Variants in KPNA5 observed in about 807,000 individuals in gnomAD.
KPNA5 encodes importin subunit alpha-6.
In KPNA5, 46 loss-of-function variants were observed where a neutral mutation model predicts 71.3. That is an observed-to-expected ratio of 0.65 (90% CI 0.51 to 0.83). The LOEUF is 0.83. Ranked by LOEUF, KPNA5 falls within the 40% of genes least tolerant of loss-of-function variation. The probability of loss-of-function intolerance (pLI) is 0.00; values close to 1 mark genes in which losing one functional copy is unlikely to be tolerated. For synonymous variants in KPNA5, 207 were observed against 201.4 expected (o/e 1.03, Z -0.24); for missense variants, 547 against 628.3 (o/e 0.87, Z 1.38).
intron 1 of KPNA5, among the ~76,000 whole-genome samples, chr6:116,687,607 C>A (rs536064056): frequency 1.3e-5 from 2 of 152,146 alleles, no homozygotes; most frequent in African/African-American, 4.8e-5. Flanking sequence ...TATGTAAACA[C>A]AACAACCACT....
At position 116,734,917 on chromosome 6, in the gene KPNA5, A is replaced by T. The variant is rs1261971566; in HGVS notation, c.*2594A>T. 1 of 151,736 alleles carries T rather than the reference A, an allele frequency of 6.6e-6. No individual in the cohort carries two copies. The highest frequency in any genetic ancestry group is 2.4e-5 in the African/African-American group (1 of 41,412). The allele number at this position is 151,736 out of a possible 1,614,324, so 9.4% of individuals were successfully genotyped here. A position where few individuals can be genotyped will look rare whatever the true frequency, so the allele number is the denominator to read the frequency against. On this transcript the variant is annotated 3_prime_UTR_variant, in exon 14 of 14. Transcript: ENST00000368564. Reference sequence around the variant, plus strand: ...AGGAATGCATGTAGCATTAATGCAAATATCAAGAAAATACTTGAAAGAGTC... The same window carrying T: ...AGGAATGCATGTAGCATTAATGCAATTATCAAGAAAATACTTGAAAGAGTC...
At chr6:116,724,847 T>C (rs989807247) in intron 10 of KPNA5, among the ~76,000 whole-genome samples, 1 of 152,122 alleles carries the variant, frequency 6.6e-6, no homozygotes, top group Non-Finnish European at 1.5e-5. Flanking sequence ...ATTCCTGAGC[T>C]CAAGTGATCC....
Position 116,726,587 on chromosome 6 carries a change from T to TA in KPNA5, c.1220dup (p.Asn407LysfsTer21). The TA allele has an allele frequency of 6.2e-7, 1 of 1,612,126 alleles. No individual in the cohort carries two copies. On this transcript the variant is annotated frameshift_variant, in exon 12 of 14. Transcript: ENST00000368564. LOFTEE classifies it high-confidence loss of function. Reference sequence around the variant, plus strand: ...GAAAAGAAGCAGCTTGGGCTATAACTAATGCAACATCAGGAGGTACTCCAG... The same window carrying TA: ...GAAAAGAAGCAGCTTGGGCTATAACTAAATGCAACATCAGGAGGTACTCCAG...
At chr6:116,726,266 A>G (rs921956149) in intron 11 of KPNA5, among the ~76,000 whole-genome samples, 2 of 152,066 alleles carry the variant, frequency 1.3e-5, no homozygotes, top group African/African-American at 2.4e-5. Context: ...GTGCTTTATC[A>G]TCTCTAAAAT....
rs1355448819 is a variant in KPNA5, at chr6:116,741,000, A to G, written c.*8677A>G. ...CCTGAAACTTAAAGTATAATAAAAA[A>G]AAAAGAAATGTACTTTTAAATTTCA... On this transcript the variant is annotated 3_prime_UTR_variant, in exon 14 of 14. Transcript: ENST00000368564. 1 of 151,642 alleles carries G rather than the reference A, an allele frequency of 6.6e-6. No individual in the cohort carries two copies. The highest frequency in any genetic ancestry group is 1.5e-5 in the Non-Finnish European group (1 of 67,974). 9.4% of individuals were successfully genotyped at this position (151,642 alleles called of 1,614,324 possible).
At position 116,702,157 on chromosome 6, in the gene KPNA5, C is replaced by G; in HGVS notation, c.567+7C>G. 1 of 1,611,374 alleles carries G rather than the reference C, an allele frequency of 6.2e-7. No individual in the cohort carries two copies. Among genetic ancestry groups the G allele is most frequent in the Non-Finnish European group, 8.5e-7 (1 of 1,179,282 alleles). ...TGAAGATGTTCAGGAACAGGTACGTCTCTAATTTGTATTGTTGTATGTACT... is the reference window on the plus strand; with the variant it reads ...TGAAGATGTTCAGGAACAGGTACGTGTCTAATTTGTATTGTTGTATGTACT... On this transcript the variant is annotated splice_region_variant and intron_variant, in intron 6 of 13. Transcript: ENST00000368564.
At chr6:116,719,463 A>G (rs528216454) in intron 8 of KPNA5, among the ~76,000 whole-genome samples, 34 of 152,342 alleles carry the variant, frequency 2.2e-4, no homozygotes, top group African/African-American at 8.2e-4. Context: ...TTGTGAGACC[A>G]TTCAGTTTTT....
At chr6:116,698,935 C>A (rs185557913) in intron 5 of KPNA5, 137 bp downstream of exon 5, 2 of 468,392 alleles carry the variant, frequency 4.3e-6, no homozygotes, top group East Asian at 7.4e-5. Context: ...GTAGTGCTGC[C>A]TATCTTGTCT....
In KPNA5 at chr6:116,706,334, C is replaced by T. The variant is rs939300552; in HGVS notation, c.656+1174C>T. Among the ~76,000 whole-genome samples, 2 of 152,204 alleles carry T rather than the reference C, an allele frequency of 1.3e-5. 1 individual carries two copies. The highest frequency in any genetic ancestry group is 4.2e-4 in the South Asian group (2 of 4,818). ...AGGAGTCTTTTAACCATGGCTGAAA[C>T]CAAACTAAAAAATAAAACAAAGGAA... is the stretch of plus-strand genomic sequence containing the variant. On this transcript the variant is annotated intron_variant, in intron 7 of 13. Transcript: ENST00000368564.
chr6:116,695,533 C>T (rs117592868), intron 4 of KPNA5, among the ~76,000 whole-genome samples: 3,222 of 152,152 alleles, frequency 0.021, 58 homozygotes, highest in Non-Finnish European at 0.032. Flanking sequence ...CCTTATTGTC[C>T]TAAGGGAGAC....
chr6:116,683,478 C>CT (rs1777439410), intron 1 of KPNA5, among the ~76,000 whole-genome samples: 1 of 152,124 alleles, frequency 6.6e-6, no homozygotes, highest in South Asian at 2.1e-4. Flanking sequence ...ACTCTGATCT[C>CT]TAATTTTTTC....
intron 8 of KPNA5, among the ~76,000 whole-genome samples, chr6:116,717,836 A>C (rs66946377): frequency 0.18 from 27,765 of 151,858 alleles, 2,711 homozygotes; most frequent in East Asian, 0.3. Flanking sequence ...TGTGTTTAGG[A>C]AGTTGTATAC....
chr6:116,729,165 G>A (rs1779389108), intron 12 of KPNA5, among the ~76,000 whole-genome samples: 1 of 116,290 alleles, frequency 8.6e-6, no homozygotes, highest in African/African-American at 5.0e-5. Context: ...CTCCGTGTGT[G>A]TGTGTGTGTG....
At chr6:116,698,918 G>A in intron 5 of KPNA5, 120 bp downstream of exon 5, 2 of 513,410 alleles carry the variant, frequency 3.9e-6, no homozygotes, top group East Asian at 7.2e-5. Flanking sequence ...GGTAATTAAA[G>A]GAAAAGGTAG....
chr6:116,721,274 C>T (rs184397983), intron 8 of KPNA5, among the ~76,000 whole-genome samples: 12 of 152,226 alleles, frequency 7.9e-5, no homozygotes, highest in Admixed American at 7.2e-4. Context: ...AGAAAAATGT[C>T]ATCACTTTTT....
intron 7 of KPNA5, among the ~76,000 whole-genome samples, chr6:116,707,499 C>T (rs996183398): frequency 2.0e-5 from 3 of 152,152 alleles, no homozygotes; most frequent in Non-Finnish European, 4.4e-5. Context: ...GCTTGCTTCA[C>T]GTTTTTGTAA....
chr6:116,695,716 A>G (rs1328397679), intron 4 of KPNA5, among the ~76,000 whole-genome samples: 2 of 152,200 alleles, frequency 1.3e-5, no homozygotes, highest in East Asian at 1.9e-4. Flanking sequence ...GCAATCAAGA[A>G]TGGCTTCTTT....
In KPNA5 at chr6:116,736,663, A is replaced by T. The variant is rs1009456999; in HGVS notation, c.*4340A>T. 6.6e-5 allele frequency: 10 copies of T among 152,154 alleles called. No individual in the cohort carries two copies. Among genetic ancestry groups the T allele is most frequent in the Admixed American group, 2.0e-4 (3 of 15,224 alleles). 9.4% of individuals were successfully genotyped at this position (152,154 alleles called of 1,614,324 possible). A position where few individuals can be genotyped will look rare whatever the true frequency, so the allele number is the denominator to read the frequency against. ...TATAGTTTTCATCAAATTTGAAAAC[A>T]CAGCAATTATTTAAACATTTTTTCA... On this transcript the variant is annotated 3_prime_UTR_variant, in exon 14 of 14. Coordinates refer to ENST00000368564, the MANE Select transcript of KPNA5 (RefSeq NM_001366306.2).
intron 4 of KPNA5, among the ~76,000 whole-genome samples, chr6:116,696,231 C>T (rs1778023655): frequency 1.3e-5 from 2 of 152,122 alleles, no homozygotes; most frequent in Non-Finnish European, 2.9e-5. Flanking sequence ...CCCAGTTGGA[C>T]ATACAGCAAG....
Sources: gnomAD v4.1 joint callset for allele counts (sites outside exome capture counted in the v4.1 genomes callset) on GRCh38, gnomAD v4.1.1 for gene constraint, MANE v1.5 for transcripts, NCBI Gene and HGNC (gene_info 2026-07-23, HGNC 2026-07-21) for gene names.